Variants in PLEKHA7 observed in about 807,000 individuals in gnomAD.
PLEKHA7 encodes the protein pleckstrin homology domain-containing family A member 7.
In PLEKHA7, 104 loss-of-function variants were observed where a neutral mutation model predicts 170.0. That is an observed-to-expected ratio of 0.61 (90% CI 0.52 to 0.72). The LOEUF (loss-of-function observed/expected upper bound fraction) is 0.72, where lower values mean the gene tolerates loss of function less well. PLEKHA7 is among the 30% of genes least tolerant of loss of function. PLEKHA7 has a pLI of 0.00. For synonymous variants in PLEKHA7, 648 were observed against 660.8 expected, an observed-to-expected ratio of 0.98 and a Z score of 0.30; for missense variants, 1,615 against 1,671.7, an observed-to-expected ratio of 0.97 and a Z score of 0.59.
intron 4 of PLEKHA7, among the ~76,000 whole-genome samples, chr11:16,870,085 G>T (rs949358759): frequency 6.6e-6 from 1 of 152,130 alleles, no homozygotes; most frequent in Admixed American, 6.5e-5. Flanking sequence ...ATGTAGACAA[G>T]CCCTGGGTGG....
chr11:16,821,646 A>G (rs1416939405), intron 10 of PLEKHA7, among the ~76,000 whole-genome samples: 1 of 152,234 alleles, frequency 6.6e-6, no homozygotes, highest in Non-Finnish European at 1.5e-5. Context: ...TTCAAATGGA[A>G]AATGGAGGAG....
At chr11:16,980,490 A>G (rs1863359264) in intron 3 of PLEKHA7, among the ~76,000 whole-genome samples, 1 of 152,238 alleles carries the variant, frequency 6.6e-6, no homozygotes, top group Non-Finnish European at 1.5e-5. Context: ...CGCCTCCCAC[A>G]GGGCAATCCT....
intron 3 of PLEKHA7, among the ~76,000 whole-genome samples, chr11:16,897,018 A>G (rs1857035803): frequency 6.6e-6 from 1 of 152,200 alleles, no homozygotes; most frequent in Non-Finnish European, 1.5e-5. Flanking sequence ...AGCCTAGTAT[A>G]CAGTATTGGC....
intron 3 of PLEKHA7, among the ~76,000 whole-genome samples, chr11:16,920,410 C>G (rs1393999156): frequency 6.6e-6 from 1 of 152,084 alleles, no homozygotes; most frequent in African/African-American, 2.4e-5. Flanking sequence ...AGCAAATCTC[C>G]CCTGACAAAA....
intron 8 of PLEKHA7, among the ~76,000 whole-genome samples, chr11:16,847,843 A>C (rs1352560248): frequency 2.9e-5 from 1 of 34,736 alleles, no homozygotes; most frequent in Non-Finnish European, 5.1e-5. Flanking sequence ...ATTCTGTCTC[A>C]AAAAAAAAAA....
Position 16,783,744 on chromosome 11 carries a change from C to T in PLEKHA7, c.3606G>A (p.Arg1202=), listed in dbSNP as rs1205015412. Residue 1202 remains arginine (R), a synonymous_variant, in exon 25 of 27, where the codon CGG becomes CGA. Transcript: ENST00000531066. The part of the protein sequence containing the change: ...EPPSLEELQA[R]YRKAEKIRNI... ...TGCGGATCTTCTCGGCTTTGCGGTA[C>T]CGCGCCTGCAGCTCCTCAAGGCTGG... is the stretch of plus-strand genomic sequence containing the variant. 5 of 1,506,176 alleles carry T rather than the reference C, an allele frequency of 3.3e-6. No individual in the cohort carries two copies. The highest frequency in any genetic ancestry group is 1.4e-5 in the African/African-American group (1 of 71,398). 93.3% of individuals were successfully genotyped at this position (1,506,176 alleles called of 1,614,324 possible).
At chr11:16,891,027 A>G (rs1487333581) in intron 3 of PLEKHA7, among the ~76,000 whole-genome samples, 2 of 150,134 alleles carry the variant, frequency 1.3e-5, no homozygotes, top group Non-Finnish European at 3.0e-5. Flanking sequence ...CAGCCTCCTG[A>G]GTAGCTAGTA....
In PLEKHA7 at chr11:16,836,393, T is replaced by A. The variant is rs1253671189; in HGVS notation, c.872+5154A>T. On this transcript the variant is annotated intron_variant, in intron 9 of 26. Coordinates refer to ENST00000531066, the MANE Select transcript of PLEKHA7 (RefSeq NM_001329630.2). ...AAATTCCCTCCTTTTAAAGGTAAAT[T>A]TCTCTGTATTTTCTGTCATCTGCAG... 4.6e-5 allele frequency among the ~76,000 whole-genome samples: 7 copies of A among 152,238 alleles called. No individual in the cohort carries two copies. The East Asian group carries it at 1.3e-3, about 29-fold the overall frequency.
chr11:16,980,234 G>A (rs546876699), intron 3 of PLEKHA7, among the ~76,000 whole-genome samples: 3 of 152,304 alleles, frequency 2.0e-5, no homozygotes, highest in Non-Finnish European at 2.9e-5. Context: ...CTGAGCCCTC[G>A]CAGCATGTCA....
At chr11:16,873,636 C>T (rs541699131) in intron 3 of PLEKHA7, among the ~76,000 whole-genome samples, 17 of 152,312 alleles carry the variant, frequency 1.1e-4, no homozygotes, top group Admixed American at 9.2e-4. Context: ...CCTTGCACCA[C>T]GTTCAAGGGT....
At chr11:16,780,716 T>A (rs561529725) in intron 26 of PLEKHA7, among the ~76,000 whole-genome samples, 51 of 152,300 alleles carry the variant, frequency 3.3e-4, no homozygotes, top group African/African-American at 1.2e-3. Context: ...GCAGGGTGGA[T>A]TGCTCAGTCC....
At chr11:16,798,950 G>T (rs1011023174) in intron 17 of PLEKHA7, among the ~76,000 whole-genome samples, 4 of 152,180 alleles carry the variant, frequency 2.6e-5, no homozygotes, top group Non-Finnish European at 5.9e-5. Context: ...CCCAGACTAT[G>T]AAATAGTATG....
intron 3 of PLEKHA7, among the ~76,000 whole-genome samples, chr11:16,899,550 G>A (rs1454862037): frequency 3.3e-5 from 5 of 152,106 alleles, no homozygotes; most frequent in African/African-American, 9.7e-5. Flanking sequence ...AATACTAACA[G>A]GTGACTTCTA....
chr11:16,870,641 CAAAAAA>C (rs11321089), intron 4 of PLEKHA7, among the ~76,000 whole-genome samples: 1 of 110,766 alleles, frequency 9.0e-6, no homozygotes, highest in Admixed American at 1.0e-4. Flanking sequence ...GACCCTGCCT[CAAAAAA>C]AAAAAAAAAA....
intron 13 of PLEKHA7, among the ~76,000 whole-genome samples, chr11:16,805,041 T>C (rs1008861862): frequency 6.6e-6 from 1 of 152,218 alleles, no homozygotes; most frequent in Admixed American, 6.5e-5. Context: ...CTTCGCTCTA[T>C]GCCATCGTCC....
At chr11:16,968,693 C>A (rs1195478919) in intron 3 of PLEKHA7, among the ~76,000 whole-genome samples, 1 of 152,174 alleles carries the variant, frequency 6.6e-6, no homozygotes, top group African/African-American at 2.4e-5. Context: ...CAATGGAGGC[C>A]AAAGCCATCC....
intron 9 of PLEKHA7, among the ~76,000 whole-genome samples, chr11:16,833,710 G>A (rs1851296825): frequency 6.6e-6 from 1 of 152,162 alleles, no homozygotes; most frequent in African/African-American, 2.4e-5. Context: ...GAGGCTGAGG[G>A]CACACACGAC....
intron 26 of PLEKHA7, 108 bp from the exon 27 acceptor site, chr11:16,779,128 G>A: frequency 1.4e-6 from 1 of 691,444 alleles, no homozygotes; most frequent in Non-Finnish European, 2.7e-6. Context: ...CAGCAGAGCA[G>A]GGGGCTCTGG....
intron 3 of PLEKHA7, among the ~76,000 whole-genome samples, chr11:17,005,284 A>G (rs1158004497): frequency 5.9e-5 from 9 of 151,946 alleles, no homozygotes; most frequent in Admixed American, 5.9e-4. Flanking sequence ...TAATCCCAGC[A>G]CTTCCAGGAG....
Sources: allele counts gnomAD v4.1 joint callset (sites outside exome capture counted in the v4.1 genomes callset), GRCh38; gene constraint gnomAD v4.1.1; transcripts MANE v1.5; gene names NCBI Gene and HGNC (gene_info 2026-07-23, HGNC 2026-07-21).